The following GNAT2 variants were observed in gnomAD, a reference collection of about 807,000 sequenced individuals.
GNAT2 encodes guanine nucleotide-binding protein G(t) subunit alpha-2.
In GNAT2, 32 loss-of-function variants were observed where a neutral mutation model predicts 40.9. The ratio of observed to expected loss-of-function variants is 0.78; its 90% CI spans 0.59 to 1.05. The LOEUF (loss-of-function observed/expected upper bound fraction) is 1.05. GNAT2 is among the 50% of genes least tolerant of loss of function. The pLI, the probability that GNAT2 is intolerant of heterozygous loss-of-function variation, is 0.00. For synonymous variants in GNAT2, 141 were observed against 157.2 expected (o/e 0.90, Z 0.77); for missense variants, 355 against 431.5 (o/e 0.82, Z 1.57).
At chr1:109,608,606 C>G in intron 5 of GNAT2, 25 bp downstream of exon 5, 1 of 1,608,942 alleles carries the variant, frequency 6.2e-7, no homozygotes. Context: ...AAGCATCAAC[C>G]CACCCTCTCA....
chr1:109,614,094 T>C (rs1649880392), intron 1 of GNAT2: 1 of 152,224 alleles, frequency 6.6e-6, no homozygotes, highest in African/African-American at 2.4e-5. Context: ...TTTAGAATTT[T>C]GTTGCCCAAA....
chr1:109,610,140 T>A lies in GNAT2; in HGVS notation c.203A>T (p.Glu68Val). The A allele has an allele frequency of 4.3e-6, 7 of 1,613,880 alleles. No homozygotes were observed. The highest frequency in any genetic ancestry group is 5.9e-6 in the Non-Finnish European group (7 of 1,179,748). The change falls in exon 4 of 9, where the codon GAG (glutamate) becomes GTG (valine). Residue 68 changes from glutamate (E) to valine (V), a missense_variant. Physicochemically the swap from Glu to Val is moderately radical, Grantham distance 121. Transcript: ENST00000679935. ...ATTTCCATAGATGATAGCCTTGAACTCCAGGCATTCTTCTGGTGAATAGCC... is the reference window on the plus strand; with the variant it reads ...ATTTCCATAGATGATAGCCTTGAACACCAGGCATTCTTCTGGTGAATAGCC... Reference protein sequence around the residue: ...QDGYSPEECLEFKAIIYGNVL... With the variant: ...QDGYSPEECLVFKAIIYGNVL...
rs781198345 is a variant in GNAT2 at position 109,603,455 on chromosome 1, G to T, written c.964C>A (p.His322Asn). The change falls in exon 9 of 9, where the codon CAC (histidine) becomes AAC (asparagine). Residue 322 changes from histidine to asparagine, a missense_variant. By Grantham distance (68) the His-to-Asn change is moderately conservative (BLOSUM62 1). Transcript: ENST00000679935. ...MRKDVKEIYS[H>N]MTCATDTQNV... ...TGTGTATCTGTAGCACAGGTCATGTGACTGTAGATTTCTTTGACATCTTTT... is the reference window on the plus strand; with the variant it reads ...TGTGTATCTGTAGCACAGGTCATGTTACTGTAGATTTCTTTGACATCTTTT... 3 of 1,595,300 alleles carry T rather than the reference G, an allele frequency of 1.9e-6. No individual in the cohort carries two copies. Among genetic ancestry groups the T allele is most frequent in the Non-Finnish European group, 2.6e-6 (3 of 1,162,960 alleles).
chr1:109,604,397 A>G (rs1649530760), intron 7 of GNAT2: 1 of 420,870 alleles, frequency 2.4e-6, no homozygotes, highest in Non-Finnish European at 4.5e-6. Context: ...TATATTGTCC[A>G]TGATAGTGGC....
chr1:109,607,166 AG>A (rs1649626796), intron 5 of GNAT2: 1 of 151,818 alleles, frequency 6.6e-6, no homozygotes, highest in Non-Finnish European at 1.5e-5. Flanking sequence ...AAAAAAAAAA[AG>A]GTGGCCAGGC....
rs1649491128 is a variant in GNAT2, at chr1:109,603,390, G to A, written c.1029C>T (p.Ile343=). 1 of 1,604,710 alleles carries A rather than the reference G, an allele frequency of 6.2e-7. No homozygotes were observed. Among genetic ancestry groups the A allele is most frequent in the Admixed American group, 1.7e-5 (1 of 59,984 alleles). Residue 343 remains isoleucine (I), a synonymous_variant, in exon 9 of 9, where the codon ATC becomes ATT. Transcript: ENST00000679935. The part of the protein sequence containing the change: ...KFVFDAVTDI[I]IKENLKDCGL... ...CGCAGTCCTTGAGGTTTTCTTTGATGATAATATCTGTAACTGCATCAAACA... is the reference window on the plus strand; with the variant it reads ...CGCAGTCCTTGAGGTTTTCTTTGATAATAATATCTGTAACTGCATCAAACA...
At chr1:109,610,736 A>G (rs1649769066) in intron 2 of GNAT2, 3 of 600,598 alleles carry the variant, frequency 5.0e-6, no homozygotes, top group South Asian at 1.9e-5. Context: ...TGTCTCATGC[A>G]TGGTAGGATG....
intron 1 of GNAT2, chr1:109,613,218 G>A (rs887910587): frequency 8.6e-6 from 3 of 348,122 alleles, no homozygotes; most frequent in African/African-American, 4.3e-5. Context: ...GGGTTCTGAC[G>A]GAAGGATAGG....
At chr1:109,605,520 C>A in intron 7 of GNAT2, 1 of 283,428 alleles carries the variant, frequency 3.5e-6, no homozygotes, top group Non-Finnish European at 6.9e-6. Flanking sequence ...CATTTTTAGC[C>A]TCCTAAGTGG....
At chr1:109,604,155 C>T (rs769078422) in intron 7 of GNAT2, 51 bp from the exon 8 acceptor site, 1 of 1,389,888 alleles carries the variant, frequency 7.2e-7, no homozygotes, top group African/African-American at 1.4e-5. Flanking sequence ...TATAGAATAT[C>T]TACCTACTTC....
chr1:109,610,336 G>A (rs1359437099), intron 3 of GNAT2, 129 bp downstream of exon 3: 3 of 1,181,052 alleles, frequency 2.5e-6, no homozygotes, highest in Non-Finnish European at 3.8e-6. Flanking sequence ...GTACAGATGA[G>A]GGGCATTGGA....
At chr1:109,619,260 T>C (rs980373412) in intron 1 of GNAT2, among the ~76,000 whole-genome samples, 8 of 152,232 alleles carry the variant, frequency 5.3e-5, no homozygotes, top group African/African-American at 1.7e-4. Context: ...AGTTAACTTA[T>C]ATTAACTCAT....
chr1:109,610,813 C>T, intron 2 of GNAT2: 1 of 469,946 alleles, frequency 2.1e-6, no homozygotes. Context: ...GTTATGACAA[C>T]CAAAAGTGTC....
In GNAT2 at chr1:109,605,953, A is replaced by G. The variant is rs748179055; in HGVS notation, c.720+17T>C. On this transcript the variant is annotated intron_variant, in intron 7 of 8. Coordinates refer to ENST00000679935, the MANE Select transcript of GNAT2 (RefSeq NM_001377295.2). ...GAACTTGTTCTACCAAAGCTGCTTG[A>G]TGCAAAGGCCACTCACCACTTCGTC... 4.2e-5 allele frequency: 67 copies of G among 1,611,932 alleles called. No individual in the cohort carries two copies. The highest frequency in any genetic ancestry group is 5.3e-5 in the Non-Finnish European group (62 of 1,178,618).
intron 5 of GNAT2, 138 bp from the exon 6 acceptor site, chr1:109,606,574 T>G (rs1649604890): frequency 1.4e-6 from 1 of 735,878 alleles, no homozygotes; most frequent in African/African-American, 1.7e-5. Flanking sequence ...AAATTTAGGA[T>G]TCTTTCCTTC....
intron 1 of GNAT2, chr1:109,614,431 A>C (rs372349011): frequency 6.6e-6 from 1 of 152,248 alleles, no homozygotes; most frequent in Non-Finnish European, 1.5e-5. Flanking sequence ...GAGCCAGAGA[A>C]AATATTTTAA....
rs1215887079 is a variant in GNAT2, at chr1:109,612,791, G to A, written c.80C>T (p.Ala27Val). ...CTTGACAGTCTTGGCTTCCTTATCA[G>A]CATCCTCCTGCAGCTTCTTTTCTAG... The part of the protein sequence containing the change: ...KELEKKLQED[A>V]DKEAKTVKLL... The change falls in exon 2 of 9, where the codon GCT becomes GTT. Residue 27 changes from alanine (A) to valine (V), a missense_variant. Ala to Val is a moderately conservative substitution (Grantham distance 64). Coordinates refer to ENST00000679935, the MANE Select transcript of GNAT2 (RefSeq NM_001377295.2). 1 of 1,611,978 alleles carries A rather than the reference G, an allele frequency of 6.2e-7. No individual in the cohort carries two copies. Among genetic ancestry groups the A allele is most frequent in the Non-Finnish European group, 8.5e-7 (1 of 1,178,082 alleles).
At chr1:109,610,219 A>C in intron 3 of GNAT2, 38 bp from the exon 4 acceptor site, 3 of 1,609,700 alleles carry the variant, frequency 1.9e-6, no homozygotes, top group Non-Finnish European at 1.7e-6. Flanking sequence ...GCTGGACCTG[A>C]GTAACCAGAC....
intron 1 of GNAT2, chr1:109,616,690 G>C (rs1374231823): frequency 1.3e-5 from 2 of 152,218 alleles, no homozygotes; most frequent in Non-Finnish European, 2.9e-5. Flanking sequence ...CTGACTGTCA[G>C]ACTGACAAAG....
Sources: gnomAD v4.1 joint callset for allele counts (sites outside exome capture counted in the v4.1 genomes callset) on GRCh38, gnomAD v4.1.1 for gene constraint, MANE v1.5 for transcripts, NCBI Gene and HGNC (gene_info 2026-07-23, HGNC 2026-07-21) for gene names.